GNL3: variants seen among roughly 807,000 people sequenced by gnomAD.
GNL3 encodes guanine nucleotide-binding protein-like 3.
GNL3 carries 77 observed loss-of-function variants against 70.6 expected under a neutral mutation model. The ratio of observed to expected loss-of-function variants is 1.09; its 90% confidence interval spans 0.91 to 1.32. GNL3 has a LOEUF of 1.32. Ranked by LOEUF, GNL3 falls within the 40% of genes most tolerant of loss-of-function variation. The pLI is 0.00. For synonymous variants in GNL3, 252 were observed against 216.1 expected (o/e 1.17, Z -1.46); for missense variants, 634 against 644.0 (o/e 0.98, Z 0.17).
intron 8 of GNL3, 64 bp from the exon 9 acceptor site, chr3:52,691,478 G>A (rs2097327197): frequency 1.0e-6 from 1 of 955,164 alleles, no homozygotes; most frequent in Non-Finnish European, 1.7e-6. Context: ...AAATTAGGCA[G>A]TGAAAATTTC....
chr3:52,687,051 G>C, intron 2 of GNL3, 195 bp from the exon 3 acceptor site: 1 of 632,962 alleles, frequency 1.6e-6, no homozygotes, highest in Admixed American at 2.9e-5. Flanking sequence ...TCTCTGCATA[G>C]AGAGCCTTCT....
At position 52,692,369 on chromosome 3, in the gene GNL3, A is replaced by ACTTTTTTTTTTTTTTTTTTTTTTTT. The variant is rs71087009; in HGVS notation, c.870-503_870-502insCTTTTTTTTTTTTTTTTTTTTTTTT. The stretch of plus-strand genomic sequence containing the variant: ...GCCACTGTGCCTGGCCAACTTTTAG[A>ACTTTTTTTTTTTTTTTTTTTTTTTT]TTTTTTTTTTTTGGGAGATGGAGTC... On this transcript the variant is annotated intron_variant, in intron 9 of 14. Transcript: ENST00000418458. Among the ~76,000 whole-genome samples, 16 of 126,452 alleles carry ACTTTTTTTTTTTTTTTTTTTTTTTT rather than the reference A, an allele frequency of 1.3e-4. 4 individuals are homozygous for ACTTTTTTTTTTTTTTTTTTTTTTTT. Among genetic ancestry groups the ACTTTTTTTTTTTTTTTTTTTTTTTT allele is most frequent in the Non-Finnish European group, 9.8e-5 (6 of 61,236 alleles). The allele number at this position is 126,452 out of a possible 152,430, so 83.0% of individuals were successfully genotyped here. A position where few individuals can be genotyped will look rare whatever the true frequency, so the allele number is the denominator to read the frequency against.
chr3:52,693,848 C>G, intron 13 of GNL3, 41 bp downstream of exon 13: 1 of 1,514,866 alleles, frequency 6.6e-7, no homozygotes, highest in Non-Finnish European at 9.1e-7. Context: ...AGTGAGTTTT[C>G]TAGCATTATA....
chr3:52,686,106 G>A lies in GNL3; in HGVS notation c.13+1G>A. ...TCTACAGCCAATATGAAAAGGCCTA[G>A]TAAGTGGGGTCGGGAGGCGGGCGTG... On this transcript the variant is annotated splice_donor_variant, in intron 1 of 14. Coordinates refer to ENST00000418458, the MANE Select transcript of GNL3 (RefSeq NM_014366.5). LOFTEE classifies it high-confidence loss of function. 1 of 1,547,288 alleles carries A rather than the reference G, an allele frequency of 6.5e-7. No homozygotes were observed. The highest frequency in any genetic ancestry group is 8.9e-7 in the Non-Finnish European group (1 of 1,118,988).
intron 4 of GNL3, 32 bp downstream of exon 4, chr3:52,687,647 C>T: frequency 6.5e-6 from 9 of 1,379,872 alleles, no homozygotes; most frequent in Non-Finnish European, 9.2e-6. Flanking sequence ...AATGAGAGAT[C>T]AGGGGTTTTG....
intron 4 of GNL3, chr3:52,687,830 T>C: frequency 1.7e-6 from 1 of 592,774 alleles, no homozygotes; most frequent in East Asian, 2.8e-5. Context: ...TTTCACTATA[T>C]TGCCAAGGCT....
At chr3:52,686,250 A>G (rs553075003) in intron 1 of GNL3, 145 bp downstream of exon 1, 5 of 813,676 alleles carry the variant, frequency 6.1e-6, no homozygotes, top group African/African-American at 5.1e-5. Flanking sequence ...ATTTCCTGGT[A>G]GAACCGAGAG....
intron 6 of GNL3, 82 bp from the exon 7 acceptor site, chr3:52,690,510 G>T (rs750288372): frequency 1.3e-6 from 1 of 760,522 alleles, no homozygotes; most frequent in Non-Finnish European, 2.4e-6. Context: ...TGATCCGCCT[G>T]TCTCGGCCTC....
At chr3:52,687,150 G>A in intron 2 of GNL3, 96 bp from the exon 3 acceptor site, 1 of 989,452 alleles carries the variant, frequency 1.0e-6, no homozygotes, top group Non-Finnish European at 1.5e-6. Flanking sequence ...CATTTTATAG[G>A]CATAACTAAA....
chr3:52,693,058 C>T lies in GNL3; in HGVS notation c.1044+12C>T, dbSNP rs780798936. ...CTGATGCTCGACAGGTAAAAGGACC[C>T]CTTCTCATGAGCTCCTTGGAGCCAT... On this transcript the variant is annotated intron_variant, in intron 10 of 14. Coordinates refer to ENST00000418458, the MANE Select transcript of GNL3 (RefSeq NM_014366.5). 2 of 1,613,054 alleles carry T rather than the reference C, an allele frequency of 1.2e-6. No homozygotes were observed. The highest frequency in any genetic ancestry group is 1.3e-5 in the African/African-American group (1 of 74,906).
chr3:52,691,864 G>C (rs957568519), intron 9 of GNL3, among the ~76,000 whole-genome samples: 1 of 151,992 alleles, frequency 6.6e-6, no homozygotes, highest in Non-Finnish European at 1.5e-5. Context: ...CCCCACGCCC[G>C]GCTAATTTTG....
rs140310455 is a variant in GNL3, at chr3:52,687,222, G to A, written c.73-24G>A. 71 of 1,587,104 alleles carry A rather than the reference G, an allele frequency of 4.5e-5. No homozygotes were observed. The African/African-American group carries it at 6.6e-4, about 15-fold the overall frequency. On this transcript the variant is annotated intron_variant, in intron 2 of 14. Transcript: ENST00000418458. The stretch of plus-strand genomic sequence containing the variant: ...AAGTATAAAGATATTTTTGTAAGCA[G>A]ACAAAATCTCTTTATTTTAATAGGT...
rs755289144 is a variant in GNL3 at position 52,693,352 on chromosome 3, ATT to A, written c.1187+26_1187+27del. The A allele has an allele frequency of 1.5e-5, 25 of 1,613,680 alleles. No homozygotes were observed. The Admixed American group carries it at 1.8e-4, about 12-fold the overall frequency. ...AGGGTAAGCTTTCTTTTCTGTTGGC[ATT>A]TTGGTGACCACTAGAATAAACCTTC... On this transcript the variant is annotated intron_variant, in intron 11 of 14. Transcript: ENST00000418458.
rs1317879323 is a variant in GNL3, at chr3:52,693,700, G to A, written c.1393G>A (p.Glu465Lys). 1.2e-6 allele frequency: 2 copies of A among 1,613,980 alleles called. No individual in the cohort carries two copies. Among genetic ancestry groups the A allele is most frequent in the East Asian group, 2.2e-5 (1 of 44,880 alleles). Reference sequence around the variant, plus strand: ...TTCCGGTCTGACAAATGGAATAATAGAAGAAAAGGACATACATGAAGAATT... The same window carrying A: ...TTCCGGTCTGACAAATGGAATAATAAAAGAAAAGGACATACATGAAGAATT... ...QSSGLTNGII[E>K]EKDIHEELPK... The change falls in exon 13 of 15, where the codon GAA becomes AAA. Residue 465 changes from glutamate to lysine, a missense_variant. Physicochemically the swap from Glu to Lys is moderately conservative, Grantham distance 56. Coordinates refer to ENST00000418458, the MANE Select transcript of GNL3 (RefSeq NM_014366.5).
chr3:52,686,165 C>A, intron 1 of GNL3, 60 bp downstream of exon 1: 1 of 1,575,564 alleles, frequency 6.3e-7, no homozygotes, highest in Non-Finnish European at 8.7e-7. Context: ...CTGCAGCCAC[C>A]ACGACGCTCT....
chr3:52,692,820 T>A (rs753071772), intron 9 of GNL3, 52 bp from the exon 10 acceptor site: 1 of 1,434,428 alleles, frequency 7.0e-7, no homozygotes, highest in Non-Finnish European at 9.8e-7. Flanking sequence ...GTTCTGTCTC[T>A]TAACCTCCAA....
chr3:52,686,678 C>T, intron 1 of GNL3, 91 bp from the exon 2 acceptor site: 1 of 937,008 alleles, frequency 1.1e-6, no homozygotes, highest in Admixed American at 2.0e-5. Context: ...GGTTTGGTAG[C>T]CAATAACACA....
chr3:52,686,404 G>A (rs2097311695), intron 1 of GNL3: 1 of 580,386 alleles, frequency 1.7e-6, no homozygotes, highest in Non-Finnish European at 3.1e-6. Flanking sequence ...TTCTTTCCGT[G>A]GCCACGTGCA....
intron 2 of GNL3, 154 bp from the exon 3 acceptor site, chr3:52,687,092 A>T: frequency 1.5e-6 from 1 of 672,030 alleles, no homozygotes; most frequent in Non-Finnish European, 2.6e-6. Context: ...TTATACTTAC[A>T]TATGCATTAC....
Sources: gnomAD v4.1 joint callset for allele counts (sites outside exome capture counted in the v4.1 genomes callset) on GRCh38, gnomAD v4.1.1 for gene constraint, MANE v1.5 for transcripts, NCBI Gene and HGNC (gene_info 2026-07-23, HGNC 2026-07-21) for gene names.